JAKMIP1: variants seen among roughly 807,000 people sequenced by gnomAD.
JAKMIP1 encodes the protein janus kinase and microtubule interacting protein 1, also known as janus kinase and microtubule-interacting protein 1.
Under a neutral mutation model 113.0 loss-of-function variants are expected in JAKMIP1, and 33 were observed. The ratio of observed to expected loss-of-function variants is 0.29; its 90% CI spans 0.22 to 0.39. The LOEUF is 0.39. Among genes scored for constraint, JAKMIP1 ranks in the 10% least tolerant of loss-of-function variants. The pLI is 1.00. For missense variants in JAKMIP1, 813 were observed against 1,080.5 expected, an observed-to-expected ratio of 0.75 and a Z score of 3.47; for synonymous variants, 480 against 459.9, an observed-to-expected ratio of 1.04 and a Z score of -0.56.
intron 2 of JAKMIP1, among the ~76,000 whole-genome samples, chr4:6,109,601 C>T (rs1248385721): frequency 1.3e-5 from 2 of 151,862 alleles, no homozygotes; most frequent in Non-Finnish European, 2.9e-5. Flanking sequence ...TGTACCCATG[C>T]GACTTGAGGA....
rs1253376822 is a variant in JAKMIP1 at position 6,138,883 on chromosome 4, A to G, written c.-147-25886T>C. ...CGAATGCGCACAGAGCACTTTCAAC[A>G]GAGCAAGGCCAGTTGGGCGCTAAGC... is the stretch of plus-strand genomic sequence containing the variant. On this transcript the variant is annotated intron_variant, in intron 1 of 20. Transcript: ENST00000409021. This position sits in a 1 kb window ranked among gnomAD's most constrained non-coding sequence, Gnocchi z 6.0. 6.6e-6 allele frequency among the ~76,000 whole-genome samples: 1 copy of G among 152,204 alleles called. No individual in the cohort carries two copies. Among genetic ancestry groups the G allele is most frequent in the Non-Finnish European group, 1.5e-5 (1 of 68,048 alleles).
At position 6,067,206 on chromosome 4, in the gene JAKMIP1, G is replaced by A. The variant is rs1718228444; in HGVS notation, c.1303-2198C>T. Among the ~76,000 whole-genome samples the A allele has an allele frequency of 6.6e-6, 1 of 152,182 alleles. No individual in the cohort carries two copies. Among genetic ancestry groups the A allele is most frequent in the African/African-American group, 2.4e-5 (1 of 41,434 alleles). ...GGAAGCTCCATGAAGACAGGGGGTT[G>A]GCCCTTTTGTTCTCGACTGTATCCC... On this transcript the variant is annotated intron_variant, in intron 8 of 20. Coordinates refer to ENST00000409021, the MANE Select transcript of JAKMIP1 (RefSeq NM_001099433.2). This position sits in a 1 kb window ranked among gnomAD's most constrained non-coding sequence, Gnocchi z 4.6.
At chr4:6,070,017 A>G (rs931517245) in intron 8 of JAKMIP1, 2 of 398,632 alleles carry the variant, frequency 5.0e-6, no homozygotes, top group Admixed American at 8.8e-5. Context: ...AGGGACCGCC[A>G]GAGAACCTCA....
At chr4:6,171,684 G>A (rs934754904) in intron 1 of JAKMIP1, among the ~76,000 whole-genome samples, 1 of 152,194 alleles carries the variant, frequency 6.6e-6, no homozygotes, top group Non-Finnish European at 1.5e-5. Flanking sequence ...ATGTCTTGAA[G>A]GTTGGCGGTT....
chr4:6,115,395 A>G (rs1272668409), intron 1 of JAKMIP1, among the ~76,000 whole-genome samples: 1 of 152,226 alleles, frequency 6.6e-6, no homozygotes, highest in Non-Finnish European at 1.5e-5. Flanking sequence ...GGGAGACTCC[A>G]TCTCAAAATA....
At position 6,061,412 on chromosome 4, in the gene JAKMIP1, G is replaced by A. The variant is rs79079703; in HGVS notation, c.1560+900C>T. On this transcript the variant is annotated intron_variant, in intron 10 of 20. Coordinates refer to ENST00000409021, the MANE Select transcript of JAKMIP1 (RefSeq NM_001099433.2). The surrounding 1 kb of genome is among the most constrained non-coding windows in gnomAD (Gnocchi z 5.3). ...CCCCTGGAACAAACTCCACGTGGGC[G>A]TGGCCTCTCCTCTCTGCCTTTGCCA... Among the ~76,000 whole-genome samples, 1,193 of 152,246 alleles carry A rather than the reference G, an allele frequency of 7.8e-3. 10 individuals are homozygous for A. The highest frequency in any genetic ancestry group is 0.027 in the African/African-American group (1,122 of 41,536).
At chr4:6,104,721 T>C (rs1713613044) in intron 3 of JAKMIP1, among the ~76,000 whole-genome samples, 1 of 152,196 alleles carries the variant, frequency 6.6e-6, no homozygotes. Context: ...CCCCCTCCCT[T>C]TGTCTCCTAC....
intron 12 of JAKMIP1, chr4:6,054,906 C>A: frequency 4.4e-6 from 2 of 455,132 alleles, no homozygotes; most frequent in Non-Finnish European, 8.9e-6. Context: ...CCCCGGGAGA[C>A]CTTTAGAAAT....
Position 6,080,238 on chromosome 4 carries a change from C to T in JAKMIP1, c.1176G>A (p.Glu392=), listed in dbSNP as rs766118402. Residue 392 remains glutamate (E), a synonymous_variant, in exon 7 of 21, where the codon GAG becomes GAA. Transcript: ENST00000409021. This position sits in a 1 kb window ranked among gnomAD's most constrained non-coding sequence, Gnocchi z 6.0. ...SLNDLSLTRD[E]QEIEFLRLQV... ...GCAGCCTCAGGAACTCGATCTCCTG[C>T]TCATCCCTCGTCAGGCTGAGGTCAT... 2 of 1,614,218 alleles carry T rather than the reference C, an allele frequency of 1.2e-6. No homozygotes were observed. The highest frequency in any genetic ancestry group is 1.6e-4 in the Middle Eastern group (1 of 6,062).
At position 6,031,930 on chromosome 4, in the gene JAKMIP1, A is replaced by G. The variant is rs765831; in HGVS notation, c.2380-2149T>C. 0.52 allele frequency among the ~76,000 whole-genome samples: 78,514 copies of G among 151,980 alleles called. 22,495 individuals are homozygous for G. The highest frequency in any genetic ancestry group is 0.75 in the African/African-American group (30,957 of 41,454). The stretch of plus-strand genomic sequence containing the variant: ...CTCCATATGTTATTTTTTTAAACTG[A>G]TAATTTTCTACTCTCTCCCACCCGA... On this transcript the variant is annotated intron_variant, in intron 19 of 20. Transcript: ENST00000409021. The surrounding 1 kb of genome is among the most constrained non-coding windows in gnomAD (Gnocchi z 4.4).
Position 6,155,137 on chromosome 4 carries a change from C to A in JAKMIP1, c.-147-42140G>T, listed in dbSNP as rs527430378. On this transcript the variant is annotated intron_variant, in intron 1 of 20. Coordinates refer to ENST00000409021, the MANE Select transcript of JAKMIP1 (RefSeq NM_001099433.2). The surrounding 1 kb of genome is among the most constrained non-coding windows in gnomAD (Gnocchi z 6.1). Reference sequence around the variant, plus strand: ...TGCTGAAATTGGATCTGTGACAATGCAGTTGACTCTCCGCTATCAAAAGGC... The same window carrying A: ...TGCTGAAATTGGATCTGTGACAATGAAGTTGACTCTCCGCTATCAAAAGGC... Among the ~76,000 whole-genome samples, 2 of 152,100 alleles carry A rather than the reference C, an allele frequency of 1.3e-5. No homozygotes were observed. Among genetic ancestry groups the A allele is most frequent in the South Asian group, 2.1e-4 (1 of 4,812 alleles).
At chr4:6,125,198 C>T (rs1359489579) in intron 1 of JAKMIP1, among the ~76,000 whole-genome samples, 4 of 152,122 alleles carry the variant, frequency 2.6e-5, no homozygotes, top group African/African-American at 9.7e-5. Context: ...CAGTCCCCAG[C>T]CCCAGCTCTC....
intron 1 of JAKMIP1, among the ~76,000 whole-genome samples, chr4:6,152,145 G>A (rs956440909): frequency 6.6e-6 from 1 of 152,108 alleles, no homozygotes; most frequent in Non-Finnish European, 1.5e-5. Context: ...GGGAAAAGAG[G>A]AGACAGAGAG....
rs983079064 is a variant in JAKMIP1, at chr4:6,139,490, G to C, written c.-147-26493C>G. ...TCCTACAAAAAGAAGAAATGGGGCT[G>C]GTCGTGGTGGCTCACGCCTGTAACC... is the stretch of plus-strand genomic sequence containing the variant. On this transcript the variant is annotated intron_variant, in intron 1 of 20. Coordinates refer to ENST00000409021, the MANE Select transcript of JAKMIP1 (RefSeq NM_001099433.2). The surrounding 1 kb of genome is among the most constrained non-coding windows in gnomAD (Gnocchi z 5.2). Among the ~76,000 whole-genome samples, 1 of 152,038 alleles carries C rather than the reference G, an allele frequency of 6.6e-6. No individual in the cohort carries two copies. The highest frequency in any genetic ancestry group is 2.4e-5 in the African/African-American group (1 of 41,366).
rs1480732838 is a variant in JAKMIP1, at chr4:6,040,632, G to C, written c.2175+7C>G. 2.5e-6 allele frequency: 4 copies of C among 1,607,698 alleles called. No individual in the cohort carries two copies. Among genetic ancestry groups the C allele is most frequent in the Non-Finnish European group, 3.4e-6 (4 of 1,174,712 alleles). On this transcript the variant is annotated splice_region_variant and intron_variant, in intron 18 of 20. Transcript: ENST00000409021. This position sits in a 1 kb window ranked among gnomAD's most constrained non-coding sequence, Gnocchi z 5.8. Reference sequence around the variant, plus strand: ...AGCCAAAGTGTCAAACCCACTTCTGGTCCTACCAGGTAAGCCTGGTCAAGG... The same window carrying C: ...AGCCAAAGTGTCAAACCCACTTCTGCTCCTACCAGGTAAGCCTGGTCAAGG...
At chr4:6,121,394 G>A (rs999319697) in intron 1 of JAKMIP1, among the ~76,000 whole-genome samples, 14 of 152,172 alleles carry the variant, frequency 9.2e-5, no homozygotes, top group Non-Finnish European at 1.9e-4. Flanking sequence ...CAACGTGACT[G>A]TTTGGAGACC....
Position 6,042,335 on chromosome 4 carries a change from G to A in JAKMIP1, c.2029-108C>T. 1 of 886,994 alleles carries A rather than the reference G, an allele frequency of 1.1e-6. No homozygotes were observed. Among genetic ancestry groups the A allele is most frequent in the Non-Finnish European group, 1.9e-6 (1 of 539,362 alleles). 54.9% of individuals were successfully genotyped at this position (886,994 alleles called of 1,614,324 possible). On this transcript the variant is annotated intron_variant, in intron 16 of 20. Coordinates refer to ENST00000409021, the MANE Select transcript of JAKMIP1 (RefSeq NM_001099433.2). This position sits in a 1 kb window ranked among gnomAD's most constrained non-coding sequence, Gnocchi z 5.2. The stretch of plus-strand genomic sequence containing the variant: ...TTTCATAGATCGGCTTCCTCAGAGT[G>A]TGCTCAGGAATGGGTCAGGTCATGG...
intron 1 of JAKMIP1, among the ~76,000 whole-genome samples, chr4:6,163,532 G>A (rs936875737): frequency 7.2e-5 from 11 of 152,146 alleles, no homozygotes; most frequent in African/African-American, 2.7e-4. Flanking sequence ...ACACAACAAT[G>A]CTGAAATTAG....
At chr4:6,164,889 T>C (rs973534230) in intron 1 of JAKMIP1, among the ~76,000 whole-genome samples, 38 of 152,248 alleles carry the variant, frequency 2.5e-4, no homozygotes, top group African/African-American at 8.2e-4. Context: ...ACGGAGTACA[T>C]GAAGTGCTTT....
Sources: gnomAD v4.1 joint callset for allele counts (sites outside exome capture counted in the v4.1 genomes callset) on GRCh38, gnomAD v4.1.1 for gene constraint, Gnocchi (gnomAD v3.1) non-coding constraint, MANE v1.5 for transcripts, NCBI Gene and HGNC (gene_info 2026-07-23, HGNC 2026-07-21) for gene names.